The following CASC3 variants were observed in gnomAD, a reference collection of about 807,000 sequenced individuals.
CASC3 encodes the protein protein CASC3.
In CASC3, 30 loss-of-function variants were observed where a neutral mutation model predicts 80.5. The observed-to-expected ratio is 0.37, with a 90% CI of 0.28 to 0.51. The LOEUF (loss-of-function observed/expected upper bound fraction) is 0.51, where lower values mean the gene tolerates loss of function less well. CASC3 is among the 20% of genes least tolerant of loss of function. The probability of loss-of-function intolerance (pLI) is 0.94; values close to 1 mark genes in which losing one functional copy is unlikely to be tolerated. For synonymous variants in CASC3, 312 were observed against 333.6 expected (o/e 0.94, Z 0.70); for missense variants, 824 against 922.2 (o/e 0.89, Z 1.38).
At chr17:40,167,304 T>C (rs562326227) in intron 8 of CASC3, 194 bp from the exon 9 acceptor site, 1 of 586,536 alleles carries the variant, frequency 1.7e-6, no homozygotes, top group African/African-American at 1.9e-5. Context: ...TTCTTTTAAT[T>C]TGGATCTCCT....
At chr17:40,144,927 C>T (rs1988818044) in intron 3 of CASC3, among the ~76,000 whole-genome samples, 1 of 150,032 alleles carries the variant, frequency 6.7e-6, no homozygotes, top group African/African-American at 2.5e-5. Context: ...ATGGCTCGAT[C>T]TCAGCTCACT....
intron 3 of CASC3, among the ~76,000 whole-genome samples, chr17:40,142,796 G>A (rs1988754652): frequency 6.6e-6 from 1 of 152,124 alleles, no homozygotes; most frequent in Admixed American, 6.5e-5. Context: ...AGCTACTCGG[G>A]AGGCTGAGGC....
rs560746767 is a variant in CASC3 at position 40,145,006 on chromosome 17, G to A, written c.297+3399G>A. Among the ~76,000 whole-genome samples, 326 of 151,410 alleles carry A rather than the reference G, an allele frequency of 2.2e-3. 2 individuals are homozygous for A. Among genetic ancestry groups the A allele is most frequent in the Non-Finnish European group, 3.4e-3 (229 of 67,844 alleles). ...CTCCCGAGTAGCTGGGATTATAGGCGCATGCCACCACGCCCGCCTAATTTT... is the reference window on the plus strand; with the variant it reads ...CTCCCGAGTAGCTGGGATTATAGGCACATGCCACCACGCCCGCCTAATTTT... On this transcript the variant is annotated intron_variant, in intron 3 of 13. Coordinates refer to ENST00000264645, the MANE Select transcript of CASC3 (RefSeq NM_007359.5).
chr17:40,169,259 C>A, intron 11 of CASC3, 65 bp from the exon 12 acceptor site: 3 of 1,393,460 alleles, frequency 2.2e-6, no homozygotes, highest in Non-Finnish European at 1.9e-6. Context: ...ATAATATTTC[C>A]TGTTCATCAT....
At chr17:40,170,391 G>A (rs771732249) in intron 13 of CASC3, 56 bp from the exon 14 acceptor site, 32 of 980,354 alleles carry the variant, frequency 3.3e-5, no homozygotes, top group Non-Finnish European at 3.4e-5. Flanking sequence ...GCTTGTGAAT[G>A]CCCAGAAGGC....
At chr17:40,151,512 C>T (rs761519366) in intron 3 of CASC3, among the ~76,000 whole-genome samples, 13 of 151,652 alleles carry the variant, frequency 8.6e-5, no homozygotes, top group Non-Finnish European at 1.5e-4. Context: ...ACGCCTGGCC[C>T]GTAAGACCTT....
chr17:40,161,661 A>G (rs1394109059), intron 3 of CASC3, 92 bp from the exon 4 acceptor site: 4 of 1,112,690 alleles, frequency 3.6e-6, no homozygotes, highest in Non-Finnish European at 5.3e-6. Context: ...CCTGGGTGAC[A>G]GAGACTTTGT....
chr17:40,169,553 CT>C (rs1989540917), intron 12 of CASC3, 44 bp from the exon 13 acceptor site: 1 of 1,582,600 alleles, frequency 6.3e-7, no homozygotes, highest in Non-Finnish European at 8.6e-7. Context: ...GGAAAACAGT[CT>C]TTTTGTTATG....
At chr17:40,146,603 AT>A (rs987760403) in intron 3 of CASC3, among the ~76,000 whole-genome samples, 2 of 150,380 alleles carry the variant, frequency 1.3e-5, no homozygotes, top group East Asian at 3.9e-4. Context: ...TGCCTGGCTG[AT>A]TTTTTTTGTA....
chr17:40,165,912 C>T (rs1202290627), intron 7 of CASC3, among the ~76,000 whole-genome samples: 2 of 151,782 alleles, frequency 1.3e-5, no homozygotes, highest in Non-Finnish European at 2.9e-5. Flanking sequence ...ATCATAAGCA[C>T]ACATCATTAC....
chr17:40,152,540 C>T (rs1989038175), intron 3 of CASC3, among the ~76,000 whole-genome samples: 2 of 151,964 alleles, frequency 1.3e-5, no homozygotes, highest in East Asian at 1.9e-4. Context: ...AGGCTGGTCT[C>T]GAGCTCCCGA....
intron 1 of CASC3, 130 bp from the exon 2 acceptor site, chr17:40,141,077 G>C: frequency 1.1e-6 from 1 of 877,486 alleles, no homozygotes; most frequent in Non-Finnish European, 1.9e-6. Flanking sequence ...ACTTGATAAA[G>C]ATTTACCTAT....
At chr17:40,158,984 C>G (rs1567681111) in intron 3 of CASC3, among the ~76,000 whole-genome samples, 1 of 152,164 alleles carries the variant, frequency 6.6e-6, no homozygotes, top group East Asian at 1.9e-4. Flanking sequence ...GCCTGTAATC[C>G]TAGCACTTTG....
intron 7 of CASC3, 116 bp downstream of exon 7, chr17:40,164,282 G>A: frequency 1.1e-6 from 1 of 908,542 alleles, no homozygotes; most frequent in Non-Finnish European, 1.6e-6. Flanking sequence ...CTTTTTTTTT[G>A]AGACAGAGTC....
At chr17:40,167,733 G>T in intron 9 of CASC3, 117 bp from the exon 10 acceptor site, 1 of 1,249,460 alleles carries the variant, frequency 8.0e-7, no homozygotes, top group East Asian at 2.3e-5. Context: ...ACATTGTCTG[G>T]TTGCTGTTTT....
intron 3 of CASC3, among the ~76,000 whole-genome samples, chr17:40,155,702 G>A (rs916508538): frequency 7.9e-5 from 12 of 152,212 alleles, no homozygotes; most frequent in African/African-American, 2.9e-4. Context: ...GTAGAAGAAT[G>A]AGCTAAAACT....
chr17:40,145,658 T>G (rs1443524111), intron 3 of CASC3, among the ~76,000 whole-genome samples: 1 of 151,836 alleles, frequency 6.6e-6, no homozygotes, highest in Non-Finnish European at 1.5e-5. Flanking sequence ...GAAGTGAAGG[T>G]TGCAGTGAAT....
intron 3 of CASC3, among the ~76,000 whole-genome samples, chr17:40,146,714 A>G (rs984013816): frequency 6.6e-6 from 1 of 151,304 alleles, no homozygotes; most frequent in African/African-American, 2.4e-5. Context: ...CTGGGATTAC[A>G]GGCATGAGCC....
intron 3 of CASC3, among the ~76,000 whole-genome samples, chr17:40,149,155 C>T (rs1036710537): frequency 6.6e-5 from 10 of 152,034 alleles, no homozygotes; most frequent in Admixed American, 5.2e-4. Flanking sequence ...GGATTATGGA[C>T]GTGAGCCACT....
Sources: allele counts gnomAD v4.1 joint callset (sites outside exome capture counted in the v4.1 genomes callset), GRCh38; gene constraint gnomAD v4.1.1; transcripts MANE v1.5; gene names NCBI Gene and HGNC (gene_info 2026-07-23, HGNC 2026-07-21).